Variants in EFCAB6 observed in about 807,000 individuals in gnomAD.
The protein encoded by EFCAB6 is EF-hand calcium binding domain 6, also known as EF-hand calcium-binding domain-containing protein 6.
EFCAB6 carries 156 observed loss-of-function variants against 169.8 expected under a neutral mutation model. The observed-to-expected ratio is 0.92, with a 90% CI of 0.81 to 1.05. The LOEUF (loss-of-function observed/expected upper bound fraction) is 1.05, where lower values mean the gene tolerates loss of function less well. EFCAB6 is among the 50% of genes least tolerant of loss of function. The pLI is 0.00. For synonymous variants in EFCAB6, 698 were observed against 676.4 expected (o/e 1.03, Z -0.50); for missense variants, 1,800 against 1,829.1 (o/e 0.98, Z 0.29).
intron 12 of EFCAB6, among the ~76,000 whole-genome samples, chr22:43,680,573 C>T (rs1210027184): frequency 6.6e-6 from 1 of 151,774 alleles, no homozygotes; most frequent in African/African-American, 2.4e-5. Context: ...AATATTGTCT[C>T]CGATCTATAA....
chr22:43,719,373 G>A (rs2059444626), intron 8 of EFCAB6, among the ~76,000 whole-genome samples: 2 of 152,190 alleles, frequency 1.3e-5, no homozygotes, highest in Non-Finnish European at 2.9e-5. Flanking sequence ...CACTGCAGGC[G>A]AAAGGAAATC....
At chr22:43,560,951 T>C (rs1329786377) in intron 26 of EFCAB6, among the ~76,000 whole-genome samples, 1 of 152,040 alleles carries the variant, frequency 6.6e-6, no homozygotes, top group East Asian at 1.9e-4. Flanking sequence ...CGTGGCGGCG[T>C]GGGGAAGGTG....
intron 4 of EFCAB6, among the ~76,000 whole-genome samples, chr22:43,770,667 G>T (rs1056022008): frequency 1.3e-5 from 2 of 152,108 alleles, no homozygotes; most frequent in Non-Finnish European, 2.9e-5. Context: ...CTTAAAGACA[G>T]ATCAATAGAC....
chr22:43,583,153 C>A (rs932415514), intron 24 of EFCAB6, among the ~76,000 whole-genome samples: 2 of 152,040 alleles, frequency 1.3e-5, no homozygotes, highest in Admixed American at 1.3e-4. Context: ...GTGGAATAGC[C>A]CCTCCCTAAT....
At chr22:43,634,985 G>T in intron 18 of EFCAB6, 117 bp downstream of exon 18, 1 of 743,062 alleles carries the variant, frequency 1.3e-6, no homozygotes, top group South Asian at 1.6e-5. Flanking sequence ...AAGACACCTC[G>T]TTTCAACATC....
At chr22:43,756,186 C>T (rs2060951487) in intron 5 of EFCAB6, among the ~76,000 whole-genome samples, 2 of 152,146 alleles carry the variant, frequency 1.3e-5, no homozygotes, top group Admixed American at 1.3e-4. Flanking sequence ...CATTATCATC[C>T]CTGCTTTACC....
At chr22:43,601,685 C>T (rs928183570) in intron 22 of EFCAB6, among the ~76,000 whole-genome samples, 7 of 152,216 alleles carry the variant, frequency 4.6e-5, no homozygotes, top group Admixed American at 3.9e-4. Flanking sequence ...TTATTGACCA[C>T]GTTCTTGTCC....
intron 8 of EFCAB6, among the ~76,000 whole-genome samples, chr22:43,717,305 A>G (rs1407192523): frequency 1.3e-5 from 2 of 152,010 alleles, no homozygotes; most frequent in Non-Finnish European, 2.9e-5. Context: ...GCCAAGGAAA[A>G]CACTAAAGCC....
intron 8 of EFCAB6, among the ~76,000 whole-genome samples, chr22:43,722,087 A>G (rs1203759248): frequency 6.6e-6 from 1 of 152,214 alleles, no homozygotes; most frequent in East Asian, 1.9e-4. Context: ...GACAAAGGAC[A>G]CGAACAGACA....
chr22:43,781,474 C>T (rs566221320), intron 3 of EFCAB6, among the ~76,000 whole-genome samples: 5 of 152,224 alleles, frequency 3.3e-5, no homozygotes, highest in Admixed American at 6.5e-5. Flanking sequence ...TAGGCATGTA[C>T]CACTATGCCT....
chr22:43,699,744 C>T (rs377269839), intron 10 of EFCAB6, among the ~76,000 whole-genome samples: 39 of 152,326 alleles, frequency 2.6e-4, no homozygotes, highest in African/African-American at 4.8e-5. Flanking sequence ...ATCCTAAACA[C>T]GTGGGTTACC....
At chr22:43,746,485 C>T (rs2060568134) in intron 6 of EFCAB6, among the ~76,000 whole-genome samples, 1 of 152,192 alleles carries the variant, frequency 6.6e-6, no homozygotes, top group African/African-American at 2.4e-5. Flanking sequence ...CCTTCCCCCA[C>T]ATTCAATTTT....
At position 43,628,680 on chromosome 22, in the gene EFCAB6, G is replaced by A. The variant is rs953749999; in HGVS notation, c.2233-2001C>T. ...TCGCAGGGAGCCCTCTCCAGTGTCC[G>A]CAGGGCTCACTCTGGCTCCTTCATG... is the stretch of plus-strand genomic sequence containing the variant. On this transcript the variant is annotated intron_variant, in intron 19 of 31. Coordinates refer to ENST00000262726, the MANE Select transcript of EFCAB6 (RefSeq NM_022785.4). This position sits in a 1 kb window ranked among gnomAD's most constrained non-coding sequence, Gnocchi z 4.8. Among the ~76,000 whole-genome samples, 3 of 152,154 alleles carry A rather than the reference G, an allele frequency of 2.0e-5. No individual in the cohort carries two copies. The highest frequency in any genetic ancestry group is 6.5e-5 in the Admixed American group (1 of 15,290).
chr22:43,589,563 G>A (rs1023275633), intron 24 of EFCAB6, among the ~76,000 whole-genome samples: 1 of 152,088 alleles, frequency 6.6e-6, no homozygotes, highest in South Asian at 2.1e-4. Context: ...TGAGGTGGGC[G>A]GATCACCTGA....
intron 2 of EFCAB6, among the ~76,000 whole-genome samples, chr22:43,794,631 G>C (rs116731113): frequency 6.6e-6 from 1 of 152,094 alleles, no homozygotes; most frequent in African/African-American, 2.4e-5. Context: ...TTTGCAAAAC[G>C]GTTTAACAAT....
intron 22 of EFCAB6, among the ~76,000 whole-genome samples, chr22:43,601,970 C>T (rs575085106): frequency 4.6e-5 from 7 of 152,348 alleles, no homozygotes; most frequent in African/African-American, 1.7e-4. Context: ...CACATGGACT[C>T]CACCTGACAA....
intron 10 of EFCAB6, among the ~76,000 whole-genome samples, chr22:43,692,621 A>G (rs2147196078): frequency 1.3e-5 from 2 of 152,302 alleles, no homozygotes; most frequent in South Asian, 2.1e-4. Context: ...AGACTTAACA[A>G]AAGAATAGAG....
intron 27 of EFCAB6, among the ~76,000 whole-genome samples, chr22:43,548,539 C>CAAAAAAAAAAAAAAAAAAA (rs397868076): frequency 2.7e-4 from 10 of 36,750 alleles, no homozygotes; most frequent in Non-Finnish European, 3.7e-4. Flanking sequence ...GAATCCATCT[C>CAAAAAAAAAAAAAAAAAAA]AAAAAAAAAA....
intron 28 of EFCAB6, among the ~76,000 whole-genome samples, chr22:43,539,656 G>A (rs1333502547): frequency 6.6e-6 from 1 of 152,182 alleles, no homozygotes; most frequent in African/African-American, 2.4e-5. Context: ...CAATTTGACA[G>A]GCCTGGGCTT....
Sources: gnomAD v4.1 joint callset for allele counts (sites outside exome capture counted in the v4.1 genomes callset) on GRCh38, gnomAD v4.1.1 for gene constraint, Gnocchi (gnomAD v3.1) non-coding constraint, MANE v1.5 for transcripts, NCBI Gene and HGNC (gene_info 2026-07-23, HGNC 2026-07-21) for gene names.